The following LIN52 variants were observed in gnomAD, a reference collection of about 807,000 sequenced individuals.
The protein encoded by LIN52 is lin-52 DREAM MuvB core complex component.
Under a neutral mutation model 18.5 loss-of-function variants are expected in LIN52, and 4 were observed. The observed-to-expected ratio is 0.22, with a 90% CI of 0.11 to 0.49. The LOEUF (loss-of-function observed/expected upper bound fraction) is 0.49. Ranked by LOEUF, LIN52 falls within the 20% of genes least tolerant of loss-of-function variation. The pLI is 0.97. For synonymous variants in LIN52, 34 were observed against 45.5 expected (o/e 0.75, Z 1.02); for missense variants, 102 against 139.5 (o/e 0.73, Z 1.35).
chr14:74,093,055 G>A (rs1208657426), intron 2 of LIN52, among the ~76,000 whole-genome samples: 3 of 151,892 alleles, frequency 2.0e-5, no homozygotes, highest in African/African-American at 4.8e-5. Flanking sequence ...TGGTTCAAGC[G>A]ATGCTCCTGC....
chr14:74,176,430 T>A (rs1287311009), intron 5 of LIN52, among the ~76,000 whole-genome samples: 7 of 152,120 alleles, frequency 4.6e-5, no homozygotes, highest in Non-Finnish European at 4.4e-5. Flanking sequence ...CTTTTTTTTT[T>A]AATAAGTAGA....
At chr14:74,141,913 T>C (rs923226785) in intron 5 of LIN52, among the ~76,000 whole-genome samples, 4 of 152,188 alleles carry the variant, frequency 2.6e-5, no homozygotes, top group African/African-American at 9.6e-5. Context: ...GGGAAATGAT[T>C]TGTCAGCACG....
intron 5 of LIN52, among the ~76,000 whole-genome samples, chr14:74,161,234 TG>T (rs1450527265): frequency 6.6e-6 from 1 of 152,184 alleles, no homozygotes; most frequent in East Asian, 1.9e-4. Flanking sequence ...TTGCCCATGC[TG>T]GAGTGCAGTG....
intron 5 of LIN52, among the ~76,000 whole-genome samples, chr14:74,173,109 C>T (rs2139576790): frequency 6.6e-6 from 1 of 152,220 alleles, no homozygotes; most frequent in Admixed American, 6.5e-5. Context: ...TGTTCATGAT[C>T]TGAATTTGGA....
intron 5 of LIN52, among the ~76,000 whole-genome samples, chr14:74,142,427 G>A (rs2061135377): frequency 6.6e-6 from 1 of 152,020 alleles, no homozygotes; most frequent in Non-Finnish European, 1.5e-5. Context: ...TTTACTTCTT[G>A]TCCAAGCCTT....
intron 5 of LIN52, chr14:74,192,827 C>T (rs979671962): frequency 6.0e-5 from 11 of 182,762 alleles, no homozygotes; most frequent in Non-Finnish European, 9.2e-5. Context: ...GTGTCTACTA[C>T]AAAGGGAACC....
chr14:74,100,624 T>C (rs4903183), intron 4 of LIN52, among the ~76,000 whole-genome samples: 77,396 of 151,998 alleles, frequency 0.51, 20,338 homozygotes, highest in East Asian at 0.89. Context: ...TACAGGCGCC[T>C]GCCACCACAC....
chr14:74,182,259 G>A (rs1171604234), intron 5 of LIN52, among the ~76,000 whole-genome samples: 1 of 152,162 alleles, frequency 6.6e-6, no homozygotes, highest in East Asian at 1.9e-4. Context: ...CGGTCTGCCC[G>A]CCTAGGCCTC....
At chr14:74,123,099 A>G (rs1347585182) in intron 5 of LIN52, among the ~76,000 whole-genome samples, 1 of 152,206 alleles carries the variant, frequency 6.6e-6, no homozygotes, top group African/African-American at 2.4e-5. Flanking sequence ...TGTTACTCTT[A>G]TGAGCAGCAT....
intron 5 of LIN52, among the ~76,000 whole-genome samples, chr14:74,171,320 G>A (rs1049658955): frequency 5.3e-5 from 8 of 149,800 alleles, no homozygotes; most frequent in Non-Finnish European, 1.2e-4. Context: ...AGCTACAATT[G>A]TAACACTACA....
chr14:74,197,631 A>C (rs562043864), intron 5 of LIN52, among the ~76,000 whole-genome samples: 11 of 152,360 alleles, frequency 7.2e-5, no homozygotes, highest in African/African-American at 2.2e-4. Flanking sequence ...GGTTGTGAGC[A>C]CATGAGGCAA....
chr14:74,192,381 G>C (rs569872716), intron 5 of LIN52, among the ~76,000 whole-genome samples: 1 of 152,156 alleles, frequency 6.6e-6, no homozygotes, highest in Non-Finnish European at 1.5e-5. Flanking sequence ...TGCCTCCTGG[G>C]TTCAAGCGAT....
At chr14:74,121,448 G>A (rs1036947888) in intron 5 of LIN52, among the ~76,000 whole-genome samples, 2 of 152,094 alleles carry the variant, frequency 1.3e-5, no homozygotes, top group Admixed American at 6.6e-5. Flanking sequence ...TTCCTTATTC[G>A]TTCCTTTCCA....
At chr14:74,103,081 T>C (rs1303364523) in intron 5 of LIN52, among the ~76,000 whole-genome samples, 1 of 152,172 alleles carries the variant, frequency 6.6e-6, no homozygotes, top group African/African-American at 2.4e-5. Flanking sequence ...TTTGCTGTTT[T>C]GTTTTGTTTT....
intron 5 of LIN52, among the ~76,000 whole-genome samples, chr14:74,124,599 T>C (rs1848513329): frequency 6.6e-6 from 1 of 151,872 alleles, no homozygotes; most frequent in Non-Finnish European, 1.5e-5. Context: ...TTGCTTGAGC[T>C]CAGGAGTTTG....
chr14:74,167,112 C>CCTTT (rs34326786), intron 5 of LIN52, among the ~76,000 whole-genome samples: 1 of 119,124 alleles, frequency 8.4e-6, no homozygotes, highest in East Asian at 2.7e-4. Context: ...GCCTCTGCTG[C>CCTTT]TTTTTTTTTT....
chr14:74,159,861 C>T (rs190082193), intron 5 of LIN52, among the ~76,000 whole-genome samples: 5 of 152,270 alleles, frequency 3.3e-5, no homozygotes, highest in African/African-American at 4.8e-5. Flanking sequence ...TGTGAATCAC[C>T]GTGCCCTGCC....
At chr14:74,153,923 T>G (rs2061187421) in intron 5 of LIN52, among the ~76,000 whole-genome samples, 1 of 152,222 alleles carries the variant, frequency 6.6e-6, no homozygotes, top group Admixed American at 6.5e-5. Context: ...CTGATTTAGT[T>G]TGTAAATTGT....
In LIN52 at chr14:74,116,159, C is replaced by T. The variant is rs577362135; in HGVS notation, c.283+14921C>T. Among the ~76,000 whole-genome samples the T allele has an allele frequency of 7.2e-5, 11 of 151,886 alleles. No individual in the cohort carries two copies. The East Asian group carries it at 9.7e-4, about 13-fold the overall frequency. On this transcript the variant is annotated intron_variant, in intron 5 of 5. Coordinates refer to ENST00000555028, the MANE Select transcript of LIN52 (RefSeq NM_001024674.3). ...CTCTACTAAAAATACAAAAATTAACCGGGTGTGGTGGCACATGCCTGTGGT... is the reference window on the plus strand; with the variant it reads ...CTCTACTAAAAATACAAAAATTAACTGGGTGTGGTGGCACATGCCTGTGGT...
Sources: gnomAD v4.1 joint callset for allele counts (sites outside exome capture counted in the v4.1 genomes callset) on GRCh38, gnomAD v4.1.1 for gene constraint, MANE v1.5 for transcripts, NCBI Gene and HGNC (gene_info 2026-07-23, HGNC 2026-07-21) for gene names.